ST13: variants seen among roughly 807,000 people sequenced by gnomAD.
ST13 encodes ST13 Hsp70 interacting protein.
Under a neutral mutation model 56.7 loss-of-function variants are expected in ST13, and 23 were observed. The ratio of observed to expected loss-of-function variants is 0.41; its 90% confidence interval spans 0.29 to 0.57. ST13 has a LOEUF of 0.57. Among genes scored for constraint, ST13 ranks in the 20% least tolerant of loss-of-function variants. ST13 has a pLI of 0.36. For synonymous variants in ST13, 132 were observed against 142.4 expected, an observed-to-expected ratio of 0.93 and a Z score of 0.52; for missense variants, 369 against 459.9, an observed-to-expected ratio of 0.80 and a Z score of 1.81.
intron 3 of ST13, 59 bp from the exon 4 acceptor site, chr22:40,844,968 C>T: frequency 3.3e-6 from 4 of 1,228,606 alleles, no homozygotes; most frequent in South Asian, 2.8e-5. Flanking sequence ...TAGCCACTCC[C>T]AAGATTATTA....
Position 40,826,643 on chromosome 22 carries a change from G to C in ST13, c.1005C>G (p.Phe335Leu). Residue 335 changes from phenylalanine to leucine, a missense_variant, in exon 12 of 12, where the codon TTC becomes TTG. This residue lies in a region of ST13 where 136 missense variants were observed against 159.2 expected (regional missense o/e 0.85). Transcript: ENST00000216218. The part of the protein sequence containing the change: ...AMQDPEVMVA[F>L]QDVAQNPANM... ...TTGCTGGGTTCTGAGCCACATCCTG[G>C]AAAGCCACCATAACTTCTGGATCCT... The C allele has an allele frequency of 6.2e-7, 1 of 1,609,330 alleles. No homozygotes were observed. The highest frequency in any genetic ancestry group is 8.5e-7 in the Non-Finnish European group (1 of 1,179,778).
chr22:40,847,351 T>C (rs1476438852), intron 3 of ST13, among the ~76,000 whole-genome samples: 2 of 148,728 alleles, frequency 1.3e-5, no homozygotes, highest in African/African-American at 5.0e-5. Flanking sequence ...CTGACCAACA[T>C]GGCAACATGG....
At chr22:40,844,979 A>G (rs2057823786) in intron 3 of ST13, 70 bp from the exon 4 acceptor site, 2 of 1,047,012 alleles carry the variant, frequency 1.9e-6, no homozygotes, top group East Asian at 5.2e-5. Context: ...AAGATTATTA[A>G]AAACTGACAT....
At chr22:40,853,740 A>G (rs2057873703) in intron 1 of ST13, among the ~76,000 whole-genome samples, 1 of 152,204 alleles carries the variant, frequency 6.6e-6, no homozygotes, top group African/African-American at 2.4e-5. Flanking sequence ...CATTTCCTTT[A>G]CAACATTTAG....
At chr22:40,848,484 T>C in intron 2 of ST13, 115 bp from the exon 3 acceptor site, 1 of 738,458 alleles carries the variant, frequency 1.4e-6, no homozygotes, top group Non-Finnish European at 2.3e-6. Flanking sequence ...TGGCGGCTCA[T>C]GCCTGGAATT....
chr22:40,837,963 G>C (rs943395048), intron 5 of ST13, among the ~76,000 whole-genome samples: 1 of 152,108 alleles, frequency 6.6e-6, no homozygotes, highest in African/African-American at 2.4e-5. Flanking sequence ...CCGAAAAACT[G>C]AATTCCCATT....
chr22:40,847,136 CA>C (rs1172714755), intron 3 of ST13, among the ~76,000 whole-genome samples: 1 of 152,096 alleles, frequency 6.6e-6, no homozygotes. Flanking sequence ...AAAAACCAAC[CA>C]AACTCATAGC....
rs888438579 is a variant in ST13 at position 40,825,892 on chromosome 22, C to T, written c.*646G>A. On this transcript the variant is annotated 3_prime_UTR_variant, in exon 12 of 12. Transcript: ENST00000216218. ...CAGCATTACAAAAAAAACATCCCTT[C>T]ACCACAGTGTAAGATTTAAGGGCAA... The T allele has an allele frequency of 1.3e-5, 2 of 152,626 alleles. No homozygotes were observed. Among genetic ancestry groups the T allele is most frequent in the Non-Finnish European group, 2.9e-5 (2 of 68,030 alleles). The allele number at this position is 152,626 out of a possible 1,614,324, so 9.5% of individuals were successfully genotyped here. A position where few individuals can be genotyped will look rare whatever the true frequency, so the allele number is the denominator to read the frequency against.
At position 40,845,604 on chromosome 22, in the gene ST13, A is replaced by G. The variant is rs556785297; in HGVS notation, c.245-695T>C. Among the ~76,000 whole-genome samples the G allele has an allele frequency of 2.2e-4, 33 of 152,194 alleles. 1 individual carries two copies. The highest frequency in any genetic ancestry group is 4.4e-4 in the Non-Finnish European group (30 of 68,032). The stretch of plus-strand genomic sequence containing the variant: ...CATATGTACAGTAGTGACCAAAGCT[A>G]GTACTTACAACCAAAACAGTAAAGA... On this transcript the variant is annotated intron_variant, in intron 3 of 11. Transcript: ENST00000216218.
intron 3 of ST13, among the ~76,000 whole-genome samples, chr22:40,845,645 T>C (rs1382844660): frequency 6.6e-6 from 1 of 152,114 alleles, no homozygotes; most frequent in East Asian, 1.9e-4. Flanking sequence ...AAGCAGTATC[T>C]TGCTTTTCAA....
At chr22:40,827,920 T>C (rs1490330671) in intron 10 of ST13, among the ~76,000 whole-genome samples, 1 of 152,308 alleles carries the variant, frequency 6.6e-6, no homozygotes, top group African/African-American at 2.4e-5. Flanking sequence ...ATTATAAAGC[T>C]AGTCATTTTG....
At chr22:40,837,615 C>CAG (rs1288267452) in intron 5 of ST13, among the ~76,000 whole-genome samples, 1 of 152,084 alleles carries the variant, frequency 6.6e-6, no homozygotes, top group Non-Finnish European at 1.5e-5. Context: ...CATTGCACTC[C>CAG]AGTCTGGGCA....
rs780715868 is a variant in ST13 at position 40,856,479 on chromosome 22, C to G, written c.62G>C (p.Ser21Thr). 2.5e-6 allele frequency: 4 copies of G among 1,613,500 alleles called. No individual in the cohort carries two copies. Among genetic ancestry groups the G allele is most frequent in the African/African-American group, 2.7e-5 (2 of 74,900 alleles). Residue 21 changes from serine to threonine, a missense_variant, in exon 1 of 12, where the codon AGC becomes ACC. This residue lies in a region of ST13 where 169 missense variants were observed against 175.6 expected (regional missense o/e 0.96). Transcript: ENST00000216218. ...GCGCATTTCCTCGGTGTGCAGAACG[C>G]TCGGATCCTGCTTACACATTTTCAC... ...AFVKMCKQDPSVLHTEEMRFL... is the reference protein window; with the variant it reads ...AFVKMCKQDPTVLHTEEMRFL...
chr22:40,850,132 C>T (rs1782569824), intron 2 of ST13, among the ~76,000 whole-genome samples: 2 of 152,116 alleles, frequency 1.3e-5, no homozygotes, highest in African/African-American at 4.8e-5. Flanking sequence ...GTGGGATGCA[C>T]CTGTAATCCC....
intron 4 of ST13, 73 bp from the exon 5 acceptor site, chr22:40,840,765 G>T: frequency 7.7e-7 from 1 of 1,295,546 alleles, no homozygotes; most frequent in Non-Finnish European, 1.1e-6. Context: ...CTTTCTTAGG[G>T]ATGAGGCGCA....
intron 1 of ST13, among the ~76,000 whole-genome samples, chr22:40,855,877 A>T (rs2057889749): frequency 6.9e-6 from 1 of 144,380 alleles, no homozygotes; most frequent in Non-Finnish European, 1.5e-5. Context: ...ACTGCCAAGT[A>T]ACGGAGGTAT....
At chr22:40,836,859 G>C (rs1249798097) in intron 5 of ST13, among the ~76,000 whole-genome samples, 1 of 152,140 alleles carries the variant, frequency 6.6e-6, no homozygotes, top group Non-Finnish European at 1.5e-5. Context: ...TTAAGAGACA[G>C]GGTCTAACTC....
Position 40,844,837 on chromosome 22 carries a change from A to G in ST13, c.315+2T>C. 6.2e-7 allele frequency: 1 copy of G among 1,612,518 alleles called. No homozygotes were observed. Among genetic ancestry groups the G allele is most frequent in the Non-Finnish European group, 8.5e-7 (1 of 1,178,820 alleles). Reference sequence around the variant, plus strand: ...AGCAGGAAATCAAGTCACCGAACTTACCTCCGCATTTTCATCTCCCATTTC... The same window carrying G: ...AGCAGGAAATCAAGTCACCGAACTTGCCTCCGCATTTTCATCTCCCATTTC... On this transcript the variant is annotated splice_donor_variant, in intron 4 of 11. Transcript: ENST00000216218. LOFTEE classifies it high-confidence loss of function.
rs945095416 is a variant in ST13 at position 40,825,197 on chromosome 22, G to A, written c.*1341C>T. ...GGGAAAGAAAGCAAGCAGAGGTGGG[G>A]ATATAGTTACACTATTTAAGAGCTG... is the stretch of plus-strand genomic sequence containing the variant. On this transcript the variant is annotated 3_prime_UTR_variant, in exon 12 of 12. Coordinates refer to ENST00000216218, the MANE Select transcript of ST13 (RefSeq NM_003932.5). The A allele has an allele frequency of 2.0e-5, 3 of 151,970 alleles. No individual in the cohort carries two copies. Among genetic ancestry groups the A allele is most frequent in the Non-Finnish European group, 4.4e-5 (3 of 68,002 alleles). The allele number at this position is 151,970 out of a possible 1,614,324, so 9.4% of individuals were successfully genotyped here.
Sources: gnomAD v4.1 joint callset for allele counts (sites outside exome capture counted in the v4.1 genomes callset) on GRCh38, gnomAD v4.1.1 for gene constraint, gnomAD v4.1.1 regional missense constraint, MANE v1.5 for transcripts, NCBI Gene and HGNC (gene_info 2026-07-23, HGNC 2026-07-21) for gene names.